Variants in CDC5L observed in about 807,000 individuals in gnomAD.
CDC5L encodes cell division cycle 5 like, also known as cell division cycle 5-like protein.
CDC5L carries 18 observed loss-of-function variants against 104.1 expected under a neutral mutation model. That is an observed-to-expected ratio of 0.17 (90% CI 0.12 to 0.26). The LOEUF (loss-of-function observed/expected upper bound fraction) is 0.26. Ranked by LOEUF, CDC5L falls within the 10% of genes least tolerant of loss-of-function variation. The pLI, the probability that CDC5L is intolerant of heterozygous loss-of-function variation, is 1.00. For missense variants in CDC5L, 673 were observed against 956.9 expected (o/e 0.70, Z 3.91); for synonymous variants, 331 against 322.7 (o/e 1.03, Z -0.28).
intron 5 of CDC5L, among the ~76,000 whole-genome samples, chr6:44,401,628 T>A (rs530213040): frequency 6.6e-6 from 1 of 152,044 alleles, no homozygotes; most frequent in African/African-American, 2.4e-5. Flanking sequence ...TAAATATATA[T>A]ATTTTTCTCT....
intron 8 of CDC5L, among the ~76,000 whole-genome samples, chr6:44,411,275 T>G (rs887281648): frequency 6.6e-6 from 1 of 152,132 alleles, no homozygotes; most frequent in African/African-American, 2.4e-5. Flanking sequence ...GAGGCTGATC[T>G]GGCTGGGATG....
At chr6:44,401,163 T>C (rs1791105001) in intron 5 of CDC5L, among the ~76,000 whole-genome samples, 1 of 152,200 alleles carries the variant, frequency 6.6e-6, no homozygotes. Context: ...TGAGGAGAGA[T>C]GTGGATCTCT....
At chr6:44,421,027 G>T (rs151014820) in intron 9 of CDC5L, among the ~76,000 whole-genome samples, 7 of 152,220 alleles carry the variant, frequency 4.6e-5, no homozygotes, top group African/African-American at 1.7e-4. Flanking sequence ...ATCCCTTGCC[G>T]TTCCCGAATA....
chr6:44,433,347 A>C (rs907372526), intron 14 of CDC5L, among the ~76,000 whole-genome samples: 4 of 152,208 alleles, frequency 2.6e-5, no homozygotes, highest in Non-Finnish European at 4.4e-5. Context: ...GTATTTGGGA[A>C]GTGCAAATAG....
At chr6:44,425,952 G>A (rs372596703) in intron 11 of CDC5L, 151 bp from the exon 12 acceptor site, 1 of 516,676 alleles carries the variant, frequency 1.9e-6, no homozygotes, top group African/African-American at 1.9e-5. Flanking sequence ...CATTTCTGTT[G>A]CCTTAGCATT....
intron 8 of CDC5L, among the ~76,000 whole-genome samples, chr6:44,415,674 A>G (rs1396476140): frequency 1.3e-5 from 2 of 152,102 alleles, no homozygotes; most frequent in Non-Finnish European, 2.9e-5. Context: ...TTAAGAACAC[A>G]TCTCTTGCAC....
Position 44,426,471 on chromosome 6 carries a change from TA to T in CDC5L, c.1651-7del. ...ATATGTTTGGTAATTGTATTTGTTT[TA>T]AAATTTTAGGTAAATGAAACTATTC... On this transcript the variant is annotated splice_polypyrimidine_tract_variant and intron_variant, in intron 12 of 15. Transcript: ENST00000371477. 1 of 1,379,450 alleles carries T rather than the reference TA, an allele frequency of 7.2e-7. No homozygotes were observed. The highest frequency in any genetic ancestry group is 1.0e-6 in the Non-Finnish European group (1 of 977,610). 85.5% of individuals were successfully genotyped at this position (1,379,450 alleles called of 1,614,324 possible).
chr6:44,412,612 T>A (rs1238918618), intron 8 of CDC5L, among the ~76,000 whole-genome samples: 2 of 151,316 alleles, frequency 1.3e-5, no homozygotes, highest in Admixed American at 6.6e-5. Context: ...GTTTTTTTTT[T>A]AATTTTGGGA....
chr6:44,390,257 A>C lies in CDC5L; in HGVS notation c.46-11A>C. The C allele has an allele frequency of 6.3e-7, 1 of 1,592,070 alleles. No individual in the cohort carries two copies. Among genetic ancestry groups the C allele is most frequent in the Non-Finnish European group, 8.6e-7 (1 of 1,161,422 alleles). ...TTGTGACTGAATGTACTCTTTGGCAATTTTTTTTAGGATGAAATTCTGAAA... is the reference window on the plus strand; with the variant it reads ...TTGTGACTGAATGTACTCTTTGGCACTTTTTTTTAGGATGAAATTCTGAAA... On this transcript the variant is annotated splice_polypyrimidine_tract_variant and intron_variant, in intron 1 of 15. Coordinates refer to ENST00000371477, the MANE Select transcript of CDC5L (RefSeq NM_001253.4).
Position 44,406,425 on chromosome 6 carries a change from A to G in CDC5L, c.861A>G (p.Glu287=). The stretch of plus-strand genomic sequence containing the variant: ...TTCTTCAAACTAGTGGTGTTTCTGA[A>G]TTTACTAAAAAGAGAAGCAAACTAG... The part of the protein sequence containing the change: ...SAILQTSGVS[E]FTKKRSKLVL... The change falls in exon 7 of 16, where the codon GAA becomes GAG. Residue 287 remains glutamate (E), a synonymous_variant. Coordinates refer to ENST00000371477, the MANE Select transcript of CDC5L (RefSeq NM_001253.4). The G allele has an allele frequency of 3.7e-6, 6 of 1,611,322 alleles. No individual in the cohort carries two copies. The highest frequency in any genetic ancestry group is 1.7e-4 in the Middle Eastern group (1 of 6,060).
At chr6:44,395,863 G>A (rs1029956254) in intron 4 of CDC5L, among the ~76,000 whole-genome samples, 1 of 152,142 alleles carries the variant, frequency 6.6e-6, no homozygotes, top group African/African-American at 2.4e-5. Context: ...TATTGGATGA[G>A]AGAAATTGTT....
intron 14 of CDC5L, among the ~76,000 whole-genome samples, chr6:44,432,870 G>T (rs2153382746): frequency 6.6e-6 from 1 of 152,308 alleles, no homozygotes; most frequent in Admixed American, 6.5e-5. Flanking sequence ...ACACAGCAAT[G>T]ACAGTTAATA....
At chr6:44,394,478 T>A (rs1212937715) in intron 4 of CDC5L, among the ~76,000 whole-genome samples, 1 of 152,172 alleles carries the variant, frequency 6.6e-6, no homozygotes, top group African/African-American at 2.4e-5. Context: ...GACTTAACAG[T>A]GATTCTGGGA....
Position 44,446,740 on chromosome 6 carries a change from A to G in CDC5L, c.*29A>G. The G allele has an allele frequency of 9.0e-7, 1 of 1,110,260 alleles. No homozygotes were observed. The highest frequency in any genetic ancestry group is 1.3e-6 in the Non-Finnish European group (1 of 750,954). The allele number at this position is 1,110,260 out of a possible 1,614,324, so 68.8% of individuals were successfully genotyped here. On this transcript the variant is annotated 3_prime_UTR_variant, in exon 16 of 16. Transcript: ENST00000371477. Reference sequence around the variant, plus strand: ...ACAGTTTATATTCTGTCACAGGATTAATTAATTGCCGGTTTTCATACTCTA... The same window carrying G: ...ACAGTTTATATTCTGTCACAGGATTGATTAATTGCCGGTTTTCATACTCTA...
chr6:44,440,527 G>A (rs1793136410), intron 14 of CDC5L, among the ~76,000 whole-genome samples: 1 of 152,028 alleles, frequency 6.6e-6, no homozygotes, highest in African/African-American at 2.4e-5. Flanking sequence ...ACAGTTGTGA[G>A]CCACTGCACC....
chr6:44,414,425 T>TA (rs1791816227), intron 8 of CDC5L, among the ~76,000 whole-genome samples: 2 of 150,188 alleles, frequency 1.3e-5, no homozygotes, highest in Non-Finnish European at 3.0e-5. Flanking sequence ...TGTGTGTGTG[T>TA]GTGTGTATTT....
At chr6:44,422,941 G>T (rs1581655120) in intron 10 of CDC5L, 132 bp downstream of exon 10, 1 of 476,726 alleles carries the variant, frequency 2.1e-6, no homozygotes, top group East Asian at 3.4e-5. Context: ...GCCAGAAAAA[G>T]AATTATTTGT....
chr6:44,434,516 C>G (rs911396346), intron 14 of CDC5L, among the ~76,000 whole-genome samples: 1 of 152,212 alleles, frequency 6.6e-6, no homozygotes, highest in Admixed American at 6.5e-5. Flanking sequence ...CACATCTTGA[C>G]TATTATATGG....
At chr6:44,409,359 GTGTC>G (rs1198373726) in intron 8 of CDC5L, among the ~76,000 whole-genome samples, 3 of 152,156 alleles carry the variant, frequency 2.0e-5, no homozygotes, top group African/African-American at 7.2e-5. Context: ...CACACCCTCT[GTGTC>G]CGTCATGCAT....
Sources: gnomAD v4.1 joint callset for allele counts (sites outside exome capture counted in the v4.1 genomes callset) on GRCh38, gnomAD v4.1.1 for gene constraint, MANE v1.5 for transcripts, NCBI Gene and HGNC (gene_info 2026-07-23, HGNC 2026-07-21) for gene names.